The following TTC28 variants were observed in gnomAD, a reference collection of about 807,000 sequenced individuals.
TTC28 encodes the protein tetratricopeptide repeat protein 28.
A neutral mutation model predicts 198.0 loss-of-function variants in TTC28; 61 were observed. The ratio of observed to expected loss-of-function variants is 0.31; its 90% confidence interval spans 0.25 to 0.38. The LOEUF (loss-of-function observed/expected upper bound fraction) is 0.38. TTC28 is among the 10% of genes least tolerant of loss of function. TTC28 has a pLI of 1.00. For synonymous variants in TTC28, 1,171 were observed against 1,297.8 expected, an observed-to-expected ratio of 0.90 and a Z score of 2.10; for missense variants, 2,678 against 3,164.0, an observed-to-expected ratio of 0.85 and a Z score of 3.69.
intron 2 of TTC28, among the ~76,000 whole-genome samples, chr22:28,552,792 C>T (rs909580365): frequency 4.7e-5 from 7 of 147,800 alleles, no homozygotes; most frequent in Non-Finnish European, 3.0e-5. Context: ...CCTCTCCCCA[C>T]GGTCTCCCTC....
intron 6 of TTC28, among the ~76,000 whole-genome samples, chr22:28,145,502 G>A (rs868752331): frequency 2.6e-5 from 4 of 152,006 alleles, no homozygotes; most frequent in African/African-American, 4.8e-5. Flanking sequence ...AATCTGGGGC[G>A]GGTTTCTCCT....
At chr22:28,599,933 A>G (rs2050610662) in intron 2 of TTC28, among the ~76,000 whole-genome samples, 2 of 152,202 alleles carry the variant, frequency 1.3e-5, no homozygotes, top group Non-Finnish European at 2.9e-5. Context: ...ACAAAAAAAT[A>G]TGGGTCATCA....
intron 2 of TTC28, among the ~76,000 whole-genome samples, chr22:28,347,836 G>A (rs935567170): frequency 4.6e-5 from 7 of 152,364 alleles, no homozygotes; most frequent in Admixed American, 3.9e-4. Context: ...CCGAGATCGT[G>A]CCACTGCACT....
chr22:28,517,871 G>C (rs1193550324), intron 2 of TTC28, among the ~76,000 whole-genome samples: 1 of 152,034 alleles, frequency 6.6e-6, no homozygotes, highest in Admixed American at 6.6e-5. Flanking sequence ...CACATTCAAA[G>C]TGATTATTAA....
At chr22:28,160,716 C>A (rs1014023533) in intron 6 of TTC28, among the ~76,000 whole-genome samples, 11 of 152,142 alleles carry the variant, frequency 7.2e-5, no homozygotes, top group Non-Finnish European at 1.5e-4. Flanking sequence ...GTAGTTGACA[C>A]TGAGGAGTGG....
intron 22 of TTC28, among the ~76,000 whole-genome samples, chr22:27,984,431 C>T (rs955117782): frequency 2.6e-5 from 4 of 152,104 alleles, no homozygotes; most frequent in African/African-American, 9.7e-5. Flanking sequence ...AGAGACACAC[C>T]CTGCCCTCAC....
intron 5 of TTC28, among the ~76,000 whole-genome samples, chr22:28,245,817 G>A (rs779197794): frequency 6.6e-6 from 1 of 152,182 alleles, no homozygotes; most frequent in Non-Finnish European, 1.5e-5. Context: ...AACCTGGCCA[G>A]TAAGACCTTT....
At chr22:28,130,102 C>T (rs1332618847) in intron 6 of TTC28, among the ~76,000 whole-genome samples, 2 of 152,174 alleles carry the variant, frequency 1.3e-5, no homozygotes, top group African/African-American at 4.8e-5. Flanking sequence ...TTAAAACCTA[C>T]AAAAGAACCA....
Position 28,342,732 on chromosome 22 carries a change from TATC to T in TTC28, c.382-36092_382-36090del, listed in dbSNP as rs1273913806. Among the ~76,000 whole-genome samples the T allele has an allele frequency of 2.0e-5, 3 of 152,214 alleles. No individual in the cohort carries two copies. The South Asian group carries it at 6.2e-4, about 32-fold the overall frequency. On this transcript the variant is annotated intron_variant, in intron 2 of 22. Transcript: ENST00000397906. ...TCAAATTTACATTTTAGAACTGAAA[TATC>T]ATAATTCTACCAAATAAGCATATCT...
At chr22:28,645,395 A>C (rs2051444008) in intron 1 of TTC28, among the ~76,000 whole-genome samples, 1 of 151,732 alleles carries the variant, frequency 6.6e-6, no homozygotes, top group African/African-American at 2.4e-5. Context: ...TTGGGAGGCC[A>C]AGGTGGGGGG....
chr22:28,510,841 T>C (rs562164959), intron 2 of TTC28, among the ~76,000 whole-genome samples: 2 of 151,966 alleles, frequency 1.3e-5, no homozygotes, highest in East Asian at 3.9e-4. Flanking sequence ...CAAAAATCAC[T>C]AGCATTCCTA....
At chr22:27,993,592 C>T in intron 17 of TTC28, 74 bp from the exon 18 acceptor site, 2 of 1,425,522 alleles carry the variant, frequency 1.4e-6, no homozygotes, top group South Asian at 1.4e-5. Context: ...TGAGGGTACA[C>T]AAAGCCCCAG....
chr22:28,076,396 T>A (rs1354231137), intron 12 of TTC28, among the ~76,000 whole-genome samples: 1 of 152,206 alleles, frequency 6.6e-6, no homozygotes, highest in Non-Finnish European at 1.5e-5. Context: ...ATGTTAAAGA[T>A]ATCCTAGTTG....
chr22:28,660,648 C>A (rs750640435), intron 1 of TTC28, among the ~76,000 whole-genome samples: 1 of 152,146 alleles, frequency 6.6e-6, no homozygotes, highest in Non-Finnish European at 1.5e-5. Context: ...CTCAACCTCC[C>A]GAGTAGCTGA....
intron 2 of TTC28, among the ~76,000 whole-genome samples, chr22:28,369,388 T>C (rs2046295039): frequency 6.6e-6 from 1 of 152,198 alleles, no homozygotes; most frequent in African/African-American, 2.4e-5. Flanking sequence ...GACTATAGTC[T>C]CCCTGTTGTA....
chr22:28,089,430 C>T (rs1336544924), intron 12 of TTC28, among the ~76,000 whole-genome samples: 6 of 150,930 alleles, frequency 4.0e-5, no homozygotes, highest in South Asian at 4.2e-4. Flanking sequence ...AAGCAAACAC[C>T]GCATATTCTC....
rs1291634068 is a variant in TTC28, at chr22:28,459,122, C to T, written c.382-152479G>A. Among the ~76,000 whole-genome samples, 3 of 151,800 alleles carry T rather than the reference C, an allele frequency of 2.0e-5. No individual in the cohort carries two copies. In the East Asian group the frequency reaches 5.9e-4, roughly 30 times the overall value. ...TTCCTACTCCAAAGATCCTAATCTC[C>T]TTTTTTTCTAAAAGAAAGCCTGGGC... is the stretch of plus-strand genomic sequence containing the variant. On this transcript the variant is annotated intron_variant, in intron 2 of 22. Coordinates refer to ENST00000397906, the MANE Select transcript of TTC28 (RefSeq NM_001145418.2).
In TTC28 at chr22:27,982,836, C is replaced by A; in HGVS notation, c.6831G>T (p.Gln2277His). The change falls in exon 23 of 23, where the codon CAG becomes CAT. Residue 2277 changes from glutamine to histidine, a missense_variant. Physicochemically the swap from Gln to His is conservative, Grantham distance 24. This residue lies in a region of TTC28 where 622 missense variants were observed against 656.0 expected (regional missense o/e 0.95). Coordinates refer to ENST00000397906, the MANE Select transcript of TTC28 (RefSeq NM_001145418.2). The surrounding 1 kb of genome is among the most constrained non-coding windows in gnomAD (Gnocchi z 5.2). ...AGAGAGGCTGGTCCAGCTGGGAAGT[C>A]TGTGAGTCGCAGCCGGGCGATGGCC... Reference protein sequence around the residue: ...SGRPSPGCDSQTSQLDQPLFK... With the variant: ...SGRPSPGCDSHTSQLDQPLFK... 6.5e-7 allele frequency: 1 copy of A among 1,541,488 alleles called. No homozygotes were observed. The highest frequency in any genetic ancestry group is 8.8e-7 in the Non-Finnish European group (1 of 1,141,002).
At chr22:28,142,458 G>C (rs1943363129) in intron 6 of TTC28, among the ~76,000 whole-genome samples, 2 of 152,152 alleles carry the variant, frequency 1.3e-5, no homozygotes, top group Admixed American at 6.5e-5. Flanking sequence ...TTCATTCTCA[G>C]TAACAGCTTG....
Sources: allele counts gnomAD v4.1 joint callset (sites outside exome capture counted in the v4.1 genomes callset), GRCh38; gene constraint gnomAD v4.1.1; regional missense constraint gnomAD v4.1.1; non-coding constraint Gnocchi (gnomAD v3.1); transcripts MANE v1.5; gene names NCBI Gene and HGNC (gene_info 2026-07-23, HGNC 2026-07-21).